COL4A4: variants seen among roughly 807,000 people sequenced by gnomAD.
The protein encoded by COL4A4 is collagen alpha-4(IV) chain.
Under a neutral mutation model 192.9 loss-of-function variants are expected in COL4A4, and 105 were observed. The observed-to-expected ratio is 0.54, with a 90% CI of 0.46 to 0.64. COL4A4 has a LOEUF of 0.64. Among genes scored for constraint, COL4A4 ranks in the 30% least tolerant of loss-of-function variants. COL4A4 has a pLI of 0.00. For missense variants in COL4A4, 1,967 were observed against 2,169.3 expected (o/e 0.91, Z 1.85); for synonymous variants, 762 against 769.9 (o/e 0.99, Z 0.17).
chr2:227,114,176 C>T (rs957410010), intron 8 of COL4A4, among the ~76,000 whole-genome samples: 6 of 152,188 alleles, frequency 3.9e-5, no homozygotes, highest in African/African-American at 1.4e-4. Context: ...AATCAGTGGT[C>T]CTCCACTGGG....
At chr2:227,031,128 T>C (rs1575905807) in intron 40 of COL4A4, among the ~76,000 whole-genome samples, 1 of 152,158 alleles carries the variant, frequency 6.6e-6, no homozygotes, top group East Asian at 1.9e-4. Flanking sequence ...GGGAAAGGAA[T>C]GTTCACTCGA....
At chr2:227,078,444 T>C (rs1443133334) in intron 24 of COL4A4, among the ~76,000 whole-genome samples, 2 of 152,104 alleles carry the variant, frequency 1.3e-5, no homozygotes, top group Non-Finnish European at 2.9e-5. Flanking sequence ...AGTTTCGCCA[T>C]GTTGGCCAGG....
intron 44 of COL4A4, among the ~76,000 whole-genome samples, chr2:227,016,050 G>A (rs1359907943): frequency 6.6e-6 from 1 of 151,832 alleles, no homozygotes; most frequent in East Asian, 1.9e-4. Context: ...TTCAACATTA[G>A]GTGGTTCTGC....
At chr2:227,163,202 C>T (rs998961614) in intron 1 of COL4A4, among the ~76,000 whole-genome samples, 2 of 152,208 alleles carry the variant, frequency 1.3e-5, no homozygotes, top group African/African-American at 2.4e-5. Context: ...AGAAGTTCAA[C>T]ATGTCCTTCC....
At chr2:227,057,654 C>T in intron 28 of COL4A4, 54 bp from the exon 29 acceptor site, 1 of 1,572,864 alleles carries the variant, frequency 6.4e-7, no homozygotes. Flanking sequence ...ATACAGATGG[C>T]CCATGATGAA....
At chr2:227,053,506 T>A (rs973093111) in intron 31 of COL4A4, among the ~76,000 whole-genome samples, 2 of 151,772 alleles carry the variant, frequency 1.3e-5, no homozygotes, top group Non-Finnish European at 2.9e-5. Flanking sequence ...GTCTCAAAAC[T>A]TATTTTTCAT....
rs139638409 is a variant in COL4A4 at position 227,041,793 on chromosome 2, A to G, written c.3505+355T>C. On this transcript the variant is annotated intron_variant, in intron 37 of 47. Coordinates refer to ENST00000396625, the MANE Select transcript of COL4A4 (RefSeq NM_000092.5). The stretch of plus-strand genomic sequence containing the variant: ...AAGGAAGGAAGGAAGGAAGGGAAAG[A>G]AAGAAAGAAAGGAAGAAAGAAAGAA... Among the ~76,000 whole-genome samples the G allele has an allele frequency of 3.1e-3, 172 of 56,136 alleles. 10 individuals are homozygous for G. Among genetic ancestry groups the G allele is most frequent in the Middle Eastern group, 7.6e-3 (1 of 132 alleles). The allele number at this position is 56,136 out of a possible 152,430, so 36.8% of individuals were successfully genotyped here.
chr2:227,097,844 T>G (rs569645012), intron 19 of COL4A4, among the ~76,000 whole-genome samples: 1 of 152,250 alleles, frequency 6.6e-6, no homozygotes, highest in South Asian at 2.1e-4. Context: ...CTCAGAAAAT[T>G]TCTCACTTCT....
intron 35 of COL4A4, among the ~76,000 whole-genome samples, chr2:227,046,070 TATATATATTTAGATATATATGTAC>T (rs1559490487): frequency 1.4e-5 from 2 of 138,172 alleles, no homozygotes; most frequent in African/African-American, 5.7e-5. Context: ...CATATATACA[TATATATATTTAGATATATATGTAC>T]ATATATATAT....
At chr2:227,039,649 A>G (rs1559471023) in intron 37 of COL4A4, among the ~76,000 whole-genome samples, 1 of 152,264 alleles carries the variant, frequency 6.6e-6, no homozygotes, top group East Asian at 1.9e-4. Flanking sequence ...CTGGGAGGGT[A>G]GGAAGAAGTG....
intron 45 of COL4A4, among the ~76,000 whole-genome samples, chr2:227,011,482 A>G (rs1055527666): frequency 1.3e-5 from 2 of 152,220 alleles, no homozygotes; most frequent in African/African-American, 4.8e-5. Flanking sequence ...CCATTTTGCT[A>G]CAGACCTCAC....
chr2:227,027,953 C>T lies in COL4A4; in HGVS notation c.4030G>A (p.Glu1344Lys). ...GPHGFPGPPG[E>K]KGLPGPPGRK... ...CCTGGAGGTCCAGGTAAACCCTTCT[C>T]TCCAGGTGGCCCAGGAAATCCATGT... The change falls in exon 42 of 48, where the codon GAG (glutamate) becomes AAG (lysine). Residue 1344 changes from glutamate to lysine, a missense_variant. Coordinates refer to ENST00000396625, the MANE Select transcript of COL4A4 (RefSeq NM_000092.5). The T allele has an allele frequency of 1.2e-6, 2 of 1,613,942 alleles. No individual in the cohort carries two copies. Among genetic ancestry groups the T allele is most frequent in the Non-Finnish European group, 1.7e-6 (2 of 1,179,908 alleles).
chr2:227,026,651 T>C (rs1966885825), intron 42 of COL4A4, among the ~76,000 whole-genome samples: 1 of 152,202 alleles, frequency 6.6e-6, no homozygotes, highest in Non-Finnish European at 1.5e-5. Flanking sequence ...TACCGTAATA[T>C]TGATTTAGGA....
intron 44 of COL4A4, among the ~76,000 whole-genome samples, chr2:227,018,754 A>G (rs2149820091): frequency 6.6e-6 from 1 of 152,280 alleles, no homozygotes; most frequent in Middle Eastern, 3.4e-3. Context: ...AGTGGCTCCA[A>G]TAAAGAGAGG....
At chr2:227,060,298 C>CA in intron 26 of COL4A4, 55 bp from the exon 27 acceptor site, 4 of 1,185,346 alleles carry the variant, frequency 3.4e-6, no homozygotes, top group Non-Finnish European at 5.0e-6. Flanking sequence ...CTAATGTGAA[C>CA]AAAATGAGAT....
the COL4A4 span, among the ~76,000 whole-genome samples, chr2:226,984,716 G>A: frequency 6.6e-6 from 1 of 152,170 alleles, no homozygotes; most frequent in African/African-American, 2.4e-5. Context: ...GACTTTTGCA[G>A]ATTCCTAGAA....
chr2:227,103,114 GA>G lies in COL4A4; in HGVS notation c.870+29del, dbSNP rs10707643. ...AGTTAAGATAGTACATCACACAAAT[GA>G]AAAAAAAAAAGGTACTTAAATAAAC... On this transcript the variant is annotated intron_variant, in intron 14 of 47. Coordinates refer to ENST00000396625, the MANE Select transcript of COL4A4 (RefSeq NM_000092.5). 0.63 allele frequency: 872,547 copies of G among 1,383,652 alleles called. 246,919 individuals carry two copies. Among genetic ancestry groups the G allele is most frequent in the African/African-American group, 0.74 (50,179 of 67,940 alleles). The allele number at this position is 1,383,652 out of a possible 1,614,324, so 85.7% of individuals were successfully genotyped here. A position where few individuals can be genotyped will look rare whatever the true frequency, so the allele number is the denominator to read the frequency against.
chr2:227,049,401 C>A (rs1973570804), intron 34 of COL4A4, among the ~76,000 whole-genome samples: 1 of 152,238 alleles, frequency 6.6e-6, no homozygotes, highest in South Asian at 2.1e-4. Context: ...AACAGCCACA[C>A]TCCTTTGTTT....
In COL4A4 at chr2:227,042,201, C is replaced by G. The variant is rs371803356; in HGVS notation, c.3452G>C (p.Gly1151Ala). Residue 1151 changes from glycine to alanine, a missense_variant, in exon 37 of 48, where the codon GGG (glycine) becomes GCG (alanine). Physicochemically the swap from Gly to Ala is moderately conservative, Grantham distance 60. Transcript: ENST00000396625. ...RGQPGEMGDP[G>A]PRGLQGDPGI... Reference sequence around the variant, plus strand: ...TGGATCCCCCTGGAGGCCTCTTGGCCCAGGGTCTCCCATTTCTCCTGGCTG... The same window carrying G: ...TGGATCCCCCTGGAGGCCTCTTGGCGCAGGGTCTCCCATTTCTCCTGGCTG... 185 of 1,613,676 alleles carry G rather than the reference C, an allele frequency of 1.1e-4. No individual in the cohort carries two copies. Among genetic ancestry groups the G allele is most frequent in the Non-Finnish European group, 1.6e-4 (184 of 1,179,722 alleles).
Sources: allele counts gnomAD v4.1 joint callset (sites outside exome capture counted in the v4.1 genomes callset), GRCh38; gene constraint gnomAD v4.1.1; transcripts MANE v1.5; gene names NCBI Gene and HGNC (gene_info 2026-07-23, HGNC 2026-07-21).